TENM3: variants seen among roughly 807,000 people sequenced by gnomAD.
TENM3 encodes teneurin transmembrane protein 3, also known as teneurin-3.
TENM3 carries 63 observed loss-of-function variants against 255.1 expected under a neutral mutation model. That is an observed-to-expected ratio of 0.25 (90% CI 0.20 to 0.30). TENM3 has a LOEUF of 0.30. TENM3 is among the 10% of genes least tolerant of loss of function. The pLI, the probability that TENM3 is intolerant of heterozygous loss-of-function variation, is 1.00. For synonymous variants in TENM3, 1,306 were observed against 1,322.3 expected (o/e 0.99, Z 0.27); for missense variants, 2,929 against 3,461.1 (o/e 0.85, Z 3.86).
At chr4:181,996,984 G>T in the TENM3 span, among the ~76,000 whole-genome samples, 3 of 152,154 alleles carry the variant, frequency 2.0e-5, no homozygotes, top group South Asian at 4.1e-4. Flanking sequence ...CAACCAGTAA[G>T]CTTTGATGCA....
chr4:182,755,642 T>G (rs1561206181), intron 22 of TENM3, among the ~76,000 whole-genome samples: 1 of 151,892 alleles, frequency 6.6e-6, no homozygotes. Context: ...ATCGAGACCA[T>G]CCTGGATAAC....
chr4:182,029,143 CA>C, the TENM3 span, among the ~76,000 whole-genome samples: 1 of 152,108 alleles, frequency 6.6e-6, no homozygotes, highest in Non-Finnish European at 1.5e-5. Flanking sequence ...ACAATCATGG[CA>C]GCTGGTGAAG....
chr4:182,542,103 C>T (rs1400644710), intron 3 of TENM3, among the ~76,000 whole-genome samples: 1 of 152,020 alleles, frequency 6.6e-6, no homozygotes. Context: ...TAGCAGTTTT[C>T]ATTTATTGAG....
At chr4:182,533,471 C>T (rs1450026298) in intron 3 of TENM3, among the ~76,000 whole-genome samples, 8 of 148,722 alleles carry the variant, frequency 5.4e-5, no homozygotes, top group South Asian at 2.1e-4. Flanking sequence ...CCCAGGAAGT[C>T]GAGGCTGCAG....
chr4:181,855,630 G>A, the TENM3 span, among the ~76,000 whole-genome samples: 1 of 152,090 alleles, frequency 6.6e-6, no homozygotes, highest in Non-Finnish European at 1.5e-5. Flanking sequence ...TGAACTTAAG[G>A]TTATTATTCT....
chr4:182,501,192 G>C (rs1484121880), intron 3 of TENM3, among the ~76,000 whole-genome samples: 2 of 152,068 alleles, frequency 1.3e-5, no homozygotes, highest in Non-Finnish European at 2.9e-5. Context: ...AATAATACAG[G>C]TATCTTTAGT....
At chr4:181,818,235 G>A in the TENM3 span, among the ~76,000 whole-genome samples, 1 of 152,182 alleles carries the variant, frequency 6.6e-6, no homozygotes, top group African/African-American at 2.4e-5. Flanking sequence ...TACCATGAAG[G>A]TATTTTGTAG....
the TENM3 span, among the ~76,000 whole-genome samples, chr4:182,115,918 T>G: frequency 6.6e-6 from 1 of 152,148 alleles, no homozygotes; most frequent in Non-Finnish European, 1.5e-5. Flanking sequence ...TTAGAGATGT[T>G]TTAGGTTCAC....
intron 1 of TENM3, among the ~76,000 whole-genome samples, chr4:182,314,016 A>G (rs1762597833): frequency 6.6e-6 from 1 of 152,338 alleles, no homozygotes; most frequent in Admixed American, 6.5e-5. Flanking sequence ...CTCAGATTAA[A>G]AGAGGGCACG....
chr4:182,233,398 A>G (rs1169189914), intron 1 of TENM3, among the ~76,000 whole-genome samples: 2 of 152,234 alleles, frequency 1.3e-5, no homozygotes, highest in Non-Finnish European at 2.9e-5. Context: ...TGACCGACGT[A>G]TGCTACAATT....
chr4:181,650,129 C>T, the TENM3 span, among the ~76,000 whole-genome samples: 2 of 152,166 alleles, frequency 1.3e-5, no homozygotes, highest in African/African-American at 2.4e-5. Flanking sequence ...AAAGATTATG[C>T]ATAATAGCCT....
the TENM3 span, among the ~76,000 whole-genome samples, chr4:182,050,379 C>T: frequency 2.0e-5 from 3 of 152,132 alleles, no homozygotes; most frequent in Admixed American, 6.5e-5. Flanking sequence ...ACAAACAGTT[C>T]TCAGATTGTT....
At chr4:181,594,493 C>T in the TENM3 span, among the ~76,000 whole-genome samples, 1 of 152,128 alleles carries the variant, frequency 6.6e-6, no homozygotes, top group Admixed American at 6.6e-5. Context: ...ACAAAACAGC[C>T]TCCTTACTAC....
intron 16 of TENM3, among the ~76,000 whole-genome samples, chr4:182,736,397 A>G (rs1203963639): frequency 6.6e-6 from 1 of 152,176 alleles, no homozygotes; most frequent in Non-Finnish European, 1.5e-5. Context: ...GATGGGGTGA[A>G]AGATGGGTTA....
At chr4:182,720,200 T>C (rs932167049) in intron 13 of TENM3, among the ~76,000 whole-genome samples, 2 of 152,194 alleles carry the variant, frequency 1.3e-5, no homozygotes, top group East Asian at 1.9e-4. Flanking sequence ...TGGAGAGATC[T>C]ATATTTGTAG....
chr4:182,239,031 TTATGTG>T (rs1203921701), upstream of TENM3, among the ~76,000 whole-genome samples: 20 of 110,456 alleles, frequency 1.8e-4, no homozygotes, highest in South Asian at 5.3e-3. Flanking sequence ...TTAAAAATCT[TTATGTG>T]TGTGTGTGTG....
chr4:182,383,175 A>G (rs1265409731), intron 3 of TENM3, among the ~76,000 whole-genome samples: 1 of 152,198 alleles, frequency 6.6e-6, no homozygotes. Context: ...ACATCAGGGT[A>G]GGGAGATTCT....
intron 1 of TENM3, among the ~76,000 whole-genome samples, chr4:182,319,557 G>A (rs141854431): frequency 0.019 from 2,905 of 152,264 alleles, 34 homozygotes; most frequent in Middle Eastern, 0.034. Context: ...TGGCACTGGA[G>A]AATTGCTTCA....
At chr4:182,601,678 G>T (rs1417000528) in intron 4 of TENM3, among the ~76,000 whole-genome samples, 1 of 152,176 alleles carries the variant, frequency 6.6e-6, no homozygotes, top group Middle Eastern at 3.2e-3. Context: ...GTATGAGGGA[G>T]ATAGGACCTA....
Sources: allele counts gnomAD v4.1 joint callset (sites outside exome capture counted in the v4.1 genomes callset), GRCh38; gene constraint gnomAD v4.1.1; transcripts MANE v1.5; gene names NCBI Gene and HGNC (gene_info 2026-07-23, HGNC 2026-07-21).